MED13L: variants seen among roughly 807,000 people sequenced by gnomAD.
MED13L encodes the protein mediator of RNA polymerase II transcription subunit 13-like.
In MED13L, 7 loss-of-function variants were observed where a neutral mutation model predicts 220.9. The ratio of observed to expected loss-of-function variants is 0.03; its 90% CI spans 0.02 to 0.06. The LOEUF (loss-of-function observed/expected upper bound fraction) is 0.06. Among genes scored for constraint, MED13L ranks in the 10% least tolerant of loss-of-function variants. The probability of loss-of-function intolerance (pLI) is 1.00; values close to 1 mark genes in which losing one functional copy is unlikely to be tolerated. For synonymous variants in MED13L, 1,011 were observed against 1,015.2 expected (o/e 1.00, Z 0.08); for missense variants, 1,965 against 2,760.5 (o/e 0.71, Z 6.46).
At chr12:116,269,939 A>C (rs1224902575) in intron 1 of MED13L, among the ~76,000 whole-genome samples, 1 of 152,122 alleles carries the variant, frequency 6.6e-6, no homozygotes, top group East Asian at 1.9e-4. Flanking sequence ...CAATGAAAAA[A>C]TACAAGGCAG....
intron 4 of MED13L, among the ~76,000 whole-genome samples, chr12:116,062,486 G>GT (rs1763139742): frequency 9.1e-6 from 1 of 110,434 alleles, no homozygotes; most frequent in Non-Finnish European, 1.8e-5. Context: ...CTCTCTCTCT[G>GT]TGTTTTTTTT....
At chr12:116,044,689 T>C (rs181464593) in intron 4 of MED13L, among the ~76,000 whole-genome samples, 25 of 152,312 alleles carry the variant, frequency 1.6e-4, no homozygotes, top group Non-Finnish European at 1.3e-4. Context: ...AAAAATATTG[T>C]CATCCTCACT....
chr12:116,067,251 C>T lies in MED13L; in HGVS notation c.479+29418G>A, dbSNP rs918669996. On this transcript the variant is annotated intron_variant, in intron 4 of 30. Transcript: ENST00000281928. ...TTTTTCTAATTTTCTATGTGTACCT[C>T]TGTATTTCATTCAATCTAAGAAATA... 2.0e-5 allele frequency among the ~76,000 whole-genome samples: 3 copies of T among 152,270 alleles called. No individual in the cohort carries two copies. In the South Asian group the frequency reaches 6.2e-4, roughly 32 times the overall value.
chr12:116,083,426 A>C (rs1401181201), intron 4 of MED13L, among the ~76,000 whole-genome samples: 2 of 148,684 alleles, frequency 1.3e-5, no homozygotes, highest in Non-Finnish European at 3.0e-5. Flanking sequence ...AAAAAAAAAA[A>C]ACACCTGCGC....
intron 4 of MED13L, among the ~76,000 whole-genome samples, chr12:116,073,560 T>TA (rs1004677930): frequency 7.2e-5 from 11 of 152,162 alleles, no homozygotes; most frequent in African/African-American, 9.7e-5. Context: ...TAATTGATAG[T>TA]AAAAAAATAC....
chr12:115,959,887 T>G lies in MED13L; in HGVS notation c.*1379A>C, dbSNP rs75828281. On this transcript the variant is annotated 3_prime_UTR_variant, in exon 31 of 31. Transcript: ENST00000281928. ...AGTCTCTTGGAAGAACTTTTAAAATTTGCATGATTCTCTCCACAGATGACA... is the reference window on the plus strand; with the variant it reads ...AGTCTCTTGGAAGAACTTTTAAAATGTGCATGATTCTCTCCACAGATGACA... The G allele has an allele frequency of 6.6e-6, 1 of 152,670 alleles. No homozygotes were observed. The highest frequency in any genetic ancestry group is 2.4e-5 in the African/African-American group (1 of 41,542). The allele number at this position is 152,670 out of a possible 1,614,324, so 9.5% of individuals were successfully genotyped here. A position where few individuals can be genotyped will look rare whatever the true frequency, so the allele number is the denominator to read the frequency against.
chr12:116,268,895 A>T (rs990815438), intron 1 of MED13L, among the ~76,000 whole-genome samples: 1 of 152,232 alleles, frequency 6.6e-6, no homozygotes, highest in African/African-American at 2.4e-5. Flanking sequence ...AAAAGATCTA[A>T]TGAAGACTTA....
intron 2 of MED13L, among the ~76,000 whole-genome samples, chr12:116,143,727 C>CTGCA (rs1306328027): frequency 6.6e-6 from 1 of 152,162 alleles, no homozygotes; most frequent in Non-Finnish European, 1.5e-5. Flanking sequence ...TGAAAACAAA[C>CTGCA]TGCAGCGCAA....
intron 26 of MED13L, among the ~76,000 whole-genome samples, chr12:115,971,268 T>C (rs997558150): frequency 6.6e-6 from 1 of 152,164 alleles, no homozygotes; most frequent in East Asian, 1.9e-4. Context: ...TCCCCATTTA[T>C]AGATGAGGAC....
intron 2 of MED13L, among the ~76,000 whole-genome samples, chr12:116,158,054 G>A (rs1878579025): frequency 6.6e-6 from 1 of 151,928 alleles, no homozygotes; most frequent in African/African-American, 2.4e-5. Flanking sequence ...GATACTGAAA[G>A]GTAAGCAGTA....
At chr12:116,275,268 A>C (rs1291562965) in intron 1 of MED13L, among the ~76,000 whole-genome samples, 1 of 152,176 alleles carries the variant, frequency 6.6e-6, no homozygotes, top group African/African-American at 2.4e-5. Context: ...GATAAGACTG[A>C]GGAGGGAAAA....
At chr12:116,274,059 C>T (rs1266842397) in intron 1 of MED13L, among the ~76,000 whole-genome samples, 4 of 152,262 alleles carry the variant, frequency 2.6e-5, no homozygotes, top group African/African-American at 9.6e-5. Flanking sequence ...CAGGCATGCA[C>T]TTAATGCAGC....
intron 2 of MED13L, among the ~76,000 whole-genome samples, chr12:116,163,623 A>G (rs1192443182): frequency 6.6e-6 from 1 of 152,128 alleles, no homozygotes; most frequent in Non-Finnish European, 1.5e-5. Context: ...TCGGCCTCCC[A>G]AAGTGCTGGG....
intron 2 of MED13L, among the ~76,000 whole-genome samples, chr12:116,172,901 T>C (rs1879780719): frequency 6.7e-6 from 1 of 149,554 alleles, no homozygotes; most frequent in Non-Finnish European, 1.5e-5. Flanking sequence ...ACTGTAGCAT[T>C]ATGTTCCCTT....
rs1185537393 is a variant in MED13L, at chr12:115,982,562, T to A, written c.4997A>T (p.Asp1666Val). ...AGGGTGGGCATGGCTGTCTGCAGAGTCAGGCTCCGTGGGAATTCCTATTCT... is the reference window on the plus strand; with the variant it reads ...AGGGTGGGCATGGCTGTCTGCAGAGACAGGCTCCGTGGGAATTCCTATTCT... The part of the protein sequence containing the change: ...RERIGIPTEP[D>V]SADSHAHPPA... The change falls in exon 22 of 31, where the codon GAC (aspartate) becomes GTC (valine). Residue 1666 changes from aspartate to valine, a missense_variant. By Grantham distance (152) the Asp-to-Val change is radical (BLOSUM62 -3). Around this residue, in one of 10 missense-constraint regions of MED13L, gnomAD observed 510 missense variants for 620.4 expected, o/e 0.82. Transcript: ENST00000281928. 2 of 1,613,994 alleles carry A rather than the reference T, an allele frequency of 1.2e-6. No homozygotes were observed. Among genetic ancestry groups the A allele is most frequent in the Non-Finnish European group, 1.7e-6 (2 of 1,179,988 alleles).
At chr12:116,153,262 GT>G (rs1480512798) in intron 2 of MED13L, among the ~76,000 whole-genome samples, 1 of 152,180 alleles carries the variant, frequency 6.6e-6, no homozygotes, top group African/African-American at 2.4e-5. Flanking sequence ...GGAGGGGAGT[GT>G]TTAACTGGAA....
At position 115,983,415 on chromosome 12, in the gene MED13L, A is replaced by C; in HGVS notation, c.4657T>G (p.Ser1553Ala). The C allele has an allele frequency of 6.2e-7, 1 of 1,614,170 alleles. No individual in the cohort carries two copies. The highest frequency in any genetic ancestry group is 8.5e-7 in the Non-Finnish European group (1 of 1,180,020). The change falls in exon 21 of 31, where the codon TCA becomes GCA. Residue 1553 changes from serine to alanine, a missense_variant. Transcript: ENST00000281928. ...GCACTGCCAGCTGGGGGAGCTGCTGATCCATTTGGAGCTAAGGGCCCAGCA... is the reference window on the plus strand; with the variant it reads ...GCACTGCCAGCTGGGGGAGCTGCTGCTCCATTTGGAGCTAAGGGCCCAGCA... ...GNAGPLAPNG[S>A]AAPPAGSAFN...
intron 23 of MED13L, 96 bp from the exon 24 acceptor site, chr12:115,975,834 A>T: frequency 8.9e-7 from 1 of 1,127,448 alleles, no homozygotes; most frequent in South Asian, 1.3e-5. Context: ...CACAGGGAGT[A>T]ATGGTAGTAA....
rs1429500996 is a variant in MED13L, at chr12:115,961,532, C to T, written c.6501-134G>A. On this transcript the variant is annotated intron_variant, in intron 30 of 30. Transcript: ENST00000281928. ...CCTTAACTTGCCCCAGGCTCTTTCC[C>T]TCATCCTTTGTCTCATGTTCCTCCT... is the stretch of plus-strand genomic sequence containing the variant. The T allele has an allele frequency of 3.5e-5, 44 of 1,248,504 alleles. No homozygotes were observed. In the East Asian group the frequency reaches 1.1e-3, roughly 32 times the overall value. 77.3% of individuals were successfully genotyped at this position (1,248,504 alleles called of 1,614,324 possible). A position where few individuals can be genotyped will look rare whatever the true frequency, so the allele number is the denominator to read the frequency against.
Sources: gnomAD v4.1 joint callset for allele counts (sites outside exome capture counted in the v4.1 genomes callset) on GRCh38, gnomAD v4.1.1 for gene constraint, gnomAD v4.1.1 regional missense constraint, MANE v1.5 for transcripts, NCBI Gene and HGNC (gene_info 2026-07-23, HGNC 2026-07-21) for gene names.